SCNN1D: variants seen among roughly 807,000 people sequenced by gnomAD.
SCNN1D encodes epithelial sodium channel subunit delta.
In SCNN1D, 104 loss-of-function variants were observed where a neutral mutation model predicts 87.8. That is an observed-to-expected ratio of 1.18 (90% CI 1.01 to 1.39). SCNN1D has a LOEUF of 1.39. Ranked by LOEUF, SCNN1D falls within the 40% of genes most tolerant of loss-of-function variation. SCNN1D has a pLI of 0.00. For synonymous variants in SCNN1D, 628 were observed against 481.2 expected, an observed-to-expected ratio of 1.31 and a Z score of -3.99; for missense variants, 1,324 against 1,093.9, an observed-to-expected ratio of 1.21 and a Z score of -2.97.
Position 1,282,323 on chromosome 1 carries a change from A to G in SCNN1D, c.351+8A>G. ...TCCTTCCAGAGCCGGCAGGCAGGTGACCTCACCCTCCTCAGAGCCATGGCT... is the reference window on the plus strand; with the variant it reads ...TCCTTCCAGAGCCGGCAGGCAGGTGGCCTCACCCTCCTCAGAGCCATGGCT... On this transcript the variant is annotated splice_region_variant and intron_variant, in intron 4 of 17. Transcript: ENST00000379116. 1.3e-6 allele frequency: 2 copies of G among 1,549,662 alleles called. No homozygotes were observed. Among genetic ancestry groups the G allele is most frequent in the Non-Finnish European group, 1.7e-6 (2 of 1,146,716 alleles).
Position 1,290,567 on chromosome 1 carries a change from G to C in SCNN1D, c.1859+12G>C, listed in dbSNP as rs766041565. The C allele has an allele frequency of 1.9e-6, 3 of 1,612,638 alleles. No homozygotes were observed. Among genetic ancestry groups the C allele is most frequent in the South Asian group, 1.1e-5 (1 of 91,082 alleles). On this transcript the variant is annotated intron_variant, in intron 14 of 17. Coordinates refer to ENST00000379116, the MANE Select transcript of SCNN1D (RefSeq NM_001130413.4). ...CCCAGGCCCTGCAGGTGAGACGGGG[G>C]TGTTGGGGTCGCGGCCAGGGATCAT...
At chr1:1,285,711 C>CCAAACT (rs1640573553) in intron 6 of SCNN1D, 47 bp downstream of exon 6, 1 of 1,426,804 alleles carries the variant, frequency 7.0e-7, no homozygotes, top group African/African-American at 1.4e-5. Context: ...CCCCAGCAGC[C>CCAAACT]CAAACTCAAA....
chr1:1,290,085 CTCCGT>C lies in SCNN1D; in HGVS notation c.1663-185_1663-181del, dbSNP rs1640738677. Among the ~76,000 whole-genome samples the C allele has an allele frequency of 2.1e-5, 3 of 142,058 alleles. 1 individual carries two copies. The highest frequency in any genetic ancestry group is 5.5e-5 in the African/African-American group (2 of 36,480). The allele number at this position is 142,058 out of a possible 152,430, so 93.2% of individuals were successfully genotyped here. A position where few individuals can be genotyped will look rare whatever the true frequency, so the allele number is the denominator to read the frequency against. ...GTCTCTGCTCCGTCCCGTGTCTCTG[CTCCGT>C]CCCGTGTCTCTGCTCCGTCCCGTGT... On this transcript the variant is annotated intron_variant, in intron 12 of 17. Coordinates refer to ENST00000379116, the MANE Select transcript of SCNN1D (RefSeq NM_001130413.4).
chr1:1,285,121 T>A (rs1640561094), intron 5 of SCNN1D, among the ~76,000 whole-genome samples: 3 of 152,284 alleles, frequency 2.0e-5, no homozygotes. Flanking sequence ...TGGAGGCCTG[T>A]GCGGCCCACA....
At chr1:1,285,868 G>A in intron 6 of SCNN1D, 58 bp from the exon 7 acceptor site, 1 of 1,469,224 alleles carries the variant, frequency 6.8e-7, no homozygotes, top group Non-Finnish European at 9.1e-7. Flanking sequence ...GACAGGCCCA[G>A]GGTAGGGAGG....
At chr1:1,284,230 G>A (rs1429610730) in intron 5 of SCNN1D, 140 bp downstream of exon 5, 3 of 78,048 alleles carry the variant, frequency 3.8e-5, no homozygotes, top group Non-Finnish European at 7.8e-5. Context: ...GTTGGGGTTG[G>A]GGGGCCCCAC....
At chr1:1,284,527 C>T (rs561608833) in intron 5 of SCNN1D, among the ~76,000 whole-genome samples, 2 of 149,212 alleles carry the variant, frequency 1.3e-5, no homozygotes, top group South Asian at 4.3e-4. Flanking sequence ...ACTGGGGGTG[C>T]CGAGCGTGTG....
chr1:1,288,001 G>T lies in SCNN1D; in HGVS notation c.1626G>T (p.Glu542Asp), dbSNP rs747470500. 18 of 1,547,630 alleles carry T rather than the reference G, an allele frequency of 1.2e-5. No individual in the cohort carries two copies. Among genetic ancestry groups the T allele is most frequent in the Non-Finnish European group, 1.5e-5 (17 of 1,145,446 alleles). The change falls in exon 12 of 18, where the codon GAG (glutamate) becomes GAT (aspartate). Residue 542 changes from glutamate to aspartate, a missense_variant. Transcript: ENST00000379116. ...GHCTAGGEGV[E>D]VELLHNTSYT... The stretch of plus-strand genomic sequence containing the variant: ...GCACCGCCGGCGGGGAAGGCGTGGA[G>T]GTGGAGCTGCTACACAACACCTCCT...
intron 5 of SCNN1D, among the ~76,000 whole-genome samples, chr1:1,284,321 T>C (rs1416378106): frequency 2.6e-5 from 1 of 38,634 alleles, no homozygotes; most frequent in Non-Finnish European, 4.7e-5. Context: ...GGGGTAGGGG[T>C]GGGGGGGTGG....
At chr1:1,286,372 G>A (rs1386923121) in intron 7 of SCNN1D, 94 bp downstream of exon 7, 28 of 1,027,586 alleles carry the variant, frequency 2.7e-5, no homozygotes, top group Middle Eastern at 2.4e-4. Flanking sequence ...CCCTGTAGCC[G>A]AGGAGGGGGC....
At position 1,285,979 on chromosome 1, in the gene SCNN1D, A is replaced by C. The variant is rs749412224; in HGVS notation, c.612A>C (p.Pro204=). ...RPGPPSAPPP[P]PKEGHQEGLV... Reference sequence around the variant, plus strand: ...GGCCACCATCAGCACCACCACCACCACCCAAGGAGGGGCACCAGGAGGGGC... The same window carrying C: ...GGCCACCATCAGCACCACCACCACCCCCCAAGGAGGGGCACCAGGAGGGGC... Residue 204 remains proline (P), a synonymous_variant, in exon 7 of 18, where the codon CCA becomes CCC. Transcript: ENST00000379116. 1.3e-5 allele frequency: 21 copies of C among 1,558,042 alleles called. No individual in the cohort carries two copies. The South Asian group carries it at 2.0e-4, about 15-fold the overall frequency.
In SCNN1D at chr1:1,286,163, C is replaced by G; in HGVS notation, c.796C>G (p.Gln266Glu). ...GGGAGCCCTGGTCGCGCTCTGCTGG[C>G]AGCTGGGGCTCCTCTTTGAGCGTCA... is the stretch of plus-strand genomic sequence containing the variant. ...SLGALVALCW[Q>E]LGLLFERHWH... is the part of the protein sequence containing the mutation. Residue 266 changes from glutamine (Q) to glutamate (E), a missense_variant, in exon 7 of 18, where the codon CAG (glutamine) becomes GAG (glutamate). Coordinates refer to ENST00000379116, the MANE Select transcript of SCNN1D (RefSeq NM_001130413.4). 2 of 1,607,528 alleles carry G rather than the reference C, an allele frequency of 1.2e-6. No homozygotes were observed. The highest frequency in any genetic ancestry group is 1.7e-6 in the Non-Finnish European group (2 of 1,179,082).
chr1:1,287,046 C>T (rs2100328132), intron 8 of SCNN1D, 63 bp from the exon 9 acceptor site: 1 of 1,577,878 alleles, frequency 6.3e-7, no homozygotes, highest in Non-Finnish European at 8.6e-7. Context: ...GCTGCTGGTA[C>T]CTCGAGTGGG....
At position 1,287,696 on chromosome 1, in the gene SCNN1D, G is replaced by C. The variant is rs758429153; in HGVS notation, c.1423G>C (p.Glu475Gln). ...THGVGLVLRVEQQPHLPLLST... is the reference protein window; with the variant it reads ...THGVGLVLRVQQQPHLPLLST... ...AGGAGTCGGCCTGGTCCTCAGGGTT[G>C]AGCAGCAGCCTCACCTCCCTCTGCT... The change falls in exon 11 of 18, where the codon GAG becomes CAG. Residue 475 changes from glutamate (E) to glutamine (Q), a missense_variant. Transcript: ENST00000379116. 4 of 1,611,036 alleles carry C rather than the reference G, an allele frequency of 2.5e-6. No homozygotes were observed. The highest frequency in any genetic ancestry group is 3.3e-4 in the Middle Eastern group (2 of 6,070).
In SCNN1D at chr1:1,291,433, G is replaced by A. The variant is rs755151736; in HGVS notation, c.2232G>A (p.Gly744=). The A allele has an allele frequency of 4.4e-6, 7 of 1,607,462 alleles. No individual in the cohort carries two copies. In the South Asian group the frequency reaches 7.7e-5, roughly 18 times the overall value. The change falls in exon 18 of 18, where the codon GGG becomes GGA. Residue 744 remains glycine (G), a synonymous_variant. Transcript: ENST00000379116. ...FSWPRASPAS[G]ASSIKPEASQ... is the part of the protein sequence containing the mutation. ...GGCCCAGAGCCAGCCCTGCCTCAGG[G>A]GCGTCCAGCATCAAGCCAGAGGCCA...
At chr1:1,282,355 C>T (rs1005319533) in intron 4 of SCNN1D, 40 bp downstream of exon 4, 12 of 1,546,970 alleles carry the variant, frequency 7.8e-6, no homozygotes, top group South Asian at 1.2e-5. Context: ...GGCTCTGCTG[C>T]TGGACCCTGT....
At chr1:1,285,829 AG>A in intron 6 of SCNN1D, 96 bp from the exon 7 acceptor site, 1 of 1,315,020 alleles carries the variant, frequency 7.6e-7, no homozygotes. Context: ...CCGAGCAGGT[AG>A]GGCGGGGCAC....
intron 15 of SCNN1D, 88 bp downstream of exon 15, chr1:1,290,782 C>G: frequency 1.3e-6 from 2 of 1,579,374 alleles, no homozygotes; most frequent in Non-Finnish European, 1.7e-6. Flanking sequence ...AAGGGCAGGG[C>G]CGGAACTGAC....
Position 1,282,278 on chromosome 1 carries a change from C to T in SCNN1D, c.314C>T (p.Thr105Met), listed in dbSNP as rs764544493. 3.0e-5 allele frequency: 46 copies of T among 1,549,664 alleles called. No homozygotes were observed. In the South Asian group the frequency reaches 3.0e-4, roughly 10 times the overall value. Residue 105 changes from threonine (T) to methionine (M), a missense_variant, in exon 4 of 18, where the codon ACG (threonine) becomes ATG (methionine). By Grantham distance (81) the Thr-to-Met change is moderately conservative. Coordinates refer to ENST00000379116, the MANE Select transcript of SCNN1D (RefSeq NM_001130413.4). ...GDSSMAFLSR[T>M]SPVAAASFQS... is the part of the protein sequence containing the mutation. ...TCCAGCATGGCTTTCCTCTCCAGGA[C>T]GTCACCGGTGGCAGCTGCTTCCTTC...
Sources: gnomAD v4.1 joint callset for allele counts (sites outside exome capture counted in the v4.1 genomes callset) on GRCh38, gnomAD v4.1.1 for gene constraint, MANE v1.5 for transcripts, NCBI Gene and HGNC (gene_info 2026-07-23, HGNC 2026-07-21) for gene names.